DYDC2: variants seen among roughly 807,000 people sequenced by gnomAD.
DYDC2 encodes the protein DPY30 domain-containing protein 2.
Under a neutral mutation model 18.7 loss-of-function variants are expected in DYDC2, and 19 were observed. That is an observed-to-expected ratio of 1.02 (90% CI 0.71 to 1.49). The LOEUF (loss-of-function observed/expected upper bound fraction) is 1.49, where lower values mean the gene tolerates loss of function less well. DYDC2 is among the 40% of genes most tolerant of loss of function. DYDC2 has a pLI of 0.00. For missense variants in DYDC2, 179 were observed against 205.1 expected, an observed-to-expected ratio of 0.87 and a Z score of 0.78; for synonymous variants, 63 against 67.6, an observed-to-expected ratio of 0.93 and a Z score of 0.34.
intron 2 of DYDC2, among the ~76,000 whole-genome samples, chr10:80,358,815 C>T (rs1364044571): frequency 6.6e-6 from 1 of 150,792 alleles, no homozygotes; most frequent in Non-Finnish European, 1.5e-5. Flanking sequence ...TGGACCCTCA[C>T]AGTGAGTATT....
chr10:80,345,602 C>G (rs1842567057), intron 1 of DYDC2, among the ~76,000 whole-genome samples: 1 of 152,142 alleles, frequency 6.6e-6, no homozygotes, highest in Non-Finnish European at 1.5e-5. Context: ...CCCACTCCAC[C>G]TCTTGGTAAC....
upstream of DYDC2, among the ~76,000 whole-genome samples, chr10:80,355,070 A>C (rs1843276480): frequency 6.6e-6 from 1 of 151,530 alleles, no homozygotes; most frequent in South Asian, 2.1e-4. Flanking sequence ...TTTGGGGGTG[A>C]CATTTGAGCT....
chr10:80,362,887 G>A (rs1843706864), intron 3 of DYDC2, 64 bp from the exon 4 acceptor site: 1 of 1,572,690 alleles, frequency 6.4e-7, no homozygotes, highest in South Asian at 1.2e-5. Flanking sequence ...TCCCCAGTGA[G>A]GGGGCCCCGT....
At chr10:80,361,629 AACTTTGCCTTCTCCCTTCTTAATCTACTT>A (rs1375491910) in intron 2 of DYDC2, among the ~76,000 whole-genome samples, 1 of 152,180 alleles carries the variant, frequency 6.6e-6, no homozygotes, top group Non-Finnish European at 1.5e-5. Flanking sequence ...TTTAACAAAG[AACTTTGCCTTCTCCCTTCTTAATCTACTT>A]ATATATTCTC....
upstream of DYDC2, chr10:80,356,481 C>G: frequency 1.0e-6 from 1 of 985,388 alleles, no homozygotes; most frequent in Non-Finnish European, 1.2e-6. Context: ...ACCCGGGAGT[C>G]TGGAAGGGTC....
chr10:80,357,850 G>T (rs1477942415), intron 1 of DYDC2, 43 bp from the exon 2 acceptor site: 2 of 985,540 alleles, frequency 2.0e-6, no homozygotes, highest in Non-Finnish European at 2.4e-6. Flanking sequence ...ATGAGGGCAG[G>T]TGGCAGAACT....
At chr10:80,347,462 C>A (rs1211416733) in intron 1 of DYDC2, among the ~76,000 whole-genome samples, 6 of 151,998 alleles carry the variant, frequency 3.9e-5, no homozygotes, top group Non-Finnish European at 1.5e-5. Context: ...GACCTAGTCC[C>A]ATTTGTTTAG....
chr10:80,345,537 A>G (rs1276277164), intron 1 of DYDC2, among the ~76,000 whole-genome samples: 1 of 152,032 alleles, frequency 6.6e-6, no homozygotes, highest in African/African-American at 2.4e-5. Context: ...ATACTACACA[A>G]TTGCAATTTT....
chr10:80,356,619 G>C, upstream of DYDC2: 8 of 985,526 alleles, frequency 8.1e-6, no homozygotes, highest in African/African-American at 1.7e-5. Flanking sequence ...CGACGCCCAA[G>C]GCCCAACGGT....
intron 2 of DYDC2, among the ~76,000 whole-genome samples, chr10:80,360,100 T>C (rs1843621220): frequency 6.6e-6 from 1 of 152,214 alleles, no homozygotes; most frequent in African/African-American, 2.4e-5. Flanking sequence ...AAGAGGGGTG[T>C]AGAAGTTTGT....
At chr10:80,347,259 A>AT (rs1842705938) in intron 1 of DYDC2, among the ~76,000 whole-genome samples, 1 of 88,974 alleles carries the variant, frequency 1.1e-5, no homozygotes, top group Non-Finnish European at 2.5e-5. Context: ...TCCTTTGCCC[A>AT]TTTTTTAATT....
chr10:80,354,536 T>C (rs1209468739), upstream of DYDC2: 1 of 149,356 alleles, frequency 6.7e-6, no homozygotes. Flanking sequence ...GGCACCATGA[T>C]AGGTACTGGG....
chr10:80,366,028 CTTT>C (rs770351822), intron 4 of DYDC2, among the ~76,000 whole-genome samples: 4 of 90,326 alleles, frequency 4.4e-5, no homozygotes, highest in Admixed American at 1.5e-4. Flanking sequence ...TTTTCTTTCT[CTTT>C]TTTTTTTTTT....
upstream of DYDC2, chr10:80,352,103 T>C: frequency 1.8e-6 from 2 of 1,081,860 alleles, no homozygotes; most frequent in South Asian, 1.4e-5. Context: ...GGGAAAGTGT[T>C]AAGCAAATTA....
chr10:80,351,889 T>C (rs1843005021), upstream of DYDC2: 1 of 1,613,706 alleles, frequency 6.2e-7, no homozygotes, highest in African/African-American at 1.3e-5. Flanking sequence ...TGAACTCTCC[T>C]ACTTGCCTCA....
intron 4 of DYDC2, among the ~76,000 whole-genome samples, chr10:80,363,806 GGTTT>G (rs1843740950): frequency 1.3e-5 from 2 of 152,068 alleles, no homozygotes; most frequent in Admixed American, 6.6e-5. Context: ...TTTAGTATTT[GGTTT>G]ATTATATTCT....
At chr10:80,360,623 C>G (rs1843635448) in intron 2 of DYDC2, among the ~76,000 whole-genome samples, 1 of 152,166 alleles carries the variant, frequency 6.6e-6, no homozygotes, top group South Asian at 2.1e-4. Flanking sequence ...AGGACATTCT[C>G]TTACTCATAT....
upstream of DYDC2, chr10:80,354,443 G>GCCA (rs1243652211): frequency 7.0e-6 from 1 of 143,344 alleles, no homozygotes; most frequent in Non-Finnish European, 1.5e-5. Context: ...CTGAGATTGT[G>GCCA]CCATTGCACT....
chr10:80,360,089 T>A (rs1180196308), intron 2 of DYDC2, among the ~76,000 whole-genome samples: 1 of 152,182 alleles, frequency 6.6e-6, no homozygotes. Context: ...TAGCTTTGAG[T>A]AAGAGGGGTG....
Sources: allele counts gnomAD v4.1 joint callset (sites outside exome capture counted in the v4.1 genomes callset), GRCh38; gene constraint gnomAD v4.1.1; transcripts MANE v1.5; gene names NCBI Gene and HGNC (gene_info 2026-07-23, HGNC 2026-07-21).